Variants in ADCY8 observed in about 807,000 individuals in gnomAD.
ADCY8 encodes adenylate cyclase 8, also known as adenylate cyclase type 8.
Under a neutral mutation model 119.7 loss-of-function variants are expected in ADCY8, and 51 were observed. That is an observed-to-expected ratio of 0.43 (90% CI 0.34 to 0.54). The LOEUF is 0.54. Among genes scored for constraint, ADCY8 ranks in the 20% least tolerant of loss-of-function variants. ADCY8 has a pLI of 0.03. For synonymous variants in ADCY8, 665 were observed against 651.0 expected, an observed-to-expected ratio of 1.02 and a Z score of -0.33; for missense variants, 1,383 against 1,598.8, an observed-to-expected ratio of 0.87 and a Z score of 2.30.
Position 130,783,786 on chromosome 8 carries a change from C to T in ADCY8, c.3173G>A (p.Gly1058Glu). The change falls in exon 17 of 18, where the codon GGA becomes GAA. Residue 1058 changes from glycine (G) to glutamate (E), a missense_variant. Around this residue, in one of 2 missense-constraint regions of ADCY8, gnomAD observed 928 missense variants for 1,163.5 expected, o/e 0.80. Transcript: ENST00000286355. ...PEKQQCEDKWGHLCALADFSL... is the reference protein window; with the variant it reads ...PEKQQCEDKWEHLCALADFSL... Reference sequence around the variant, plus strand: ...GAAGTCAGCCAGAGCACACAAATGTCCCCACTTGTCTTCACATTGCTGAAG... The same window carrying T: ...GAAGTCAGCCAGAGCACACAAATGTTCCCACTTGTCTTCACATTGCTGAAG... The T allele has an allele frequency of 6.2e-7, 1 of 1,613,266 alleles. No individual in the cohort carries two copies. The highest frequency in any genetic ancestry group is 8.5e-7 in the Non-Finnish European group (1 of 1,179,536).
intron 9 of ADCY8, among the ~76,000 whole-genome samples, chr8:130,863,114 A>C (rs1012186686): frequency 5.3e-5 from 8 of 152,064 alleles, no homozygotes; most frequent in Non-Finnish European, 1.2e-4. Flanking sequence ...TTTCTTTTCA[A>C]TTCTATCTGT....
chr8:130,884,802 C>G (rs755377176), intron 7 of ADCY8, 41 bp from the exon 8 acceptor site: 1 of 1,575,720 alleles, frequency 6.3e-7, no homozygotes, highest in African/African-American at 1.3e-5. Context: ...ACCTGCTAGT[C>G]CCCTTTAGAT....
chr8:130,872,250 A>C (rs1159635600), intron 8 of ADCY8, among the ~76,000 whole-genome samples: 1 of 152,206 alleles, frequency 6.6e-6, no homozygotes, highest in Non-Finnish European at 1.5e-5. Context: ...CACGCTTTAC[A>C]TGAATGTTCT....
At chr8:130,913,655 C>T (rs1008255267) in intron 5 of ADCY8, among the ~76,000 whole-genome samples, 1 of 147,018 alleles carries the variant, frequency 6.8e-6, no homozygotes, top group Non-Finnish European at 1.5e-5. Flanking sequence ...CCTGCTATCA[C>T]ACCCCCCTCC....
In ADCY8 at chr8:130,937,134, G is replaced by T; in HGVS notation, c.1420C>A (p.Pro474Thr). Residue 474 changes from proline (P) to threonine (T), a missense_variant, in exon 5 of 18, where the codon CCC (proline) becomes ACC (threonine). Transcript: ENST00000286355. ...CAGCAGTGGGCATGGTCCTGGCGGG[G>T]CTCAGGAAGTCCAGACACGCAGTAG... Reference protein sequence around the residue: ...CYYCVSGLPEPRQDHAHCCVE... With the variant: ...CYYCVSGLPETRQDHAHCCVE... 3.7e-6 allele frequency: 6 copies of T among 1,613,824 alleles called. No homozygotes were observed. The highest frequency in any genetic ancestry group is 1.7e-4 in the Middle Eastern group (1 of 6,058).
intron 12 of ADCY8, among the ~76,000 whole-genome samples, chr8:130,830,975 A>G (rs897818222): frequency 7.9e-5 from 12 of 152,226 alleles, no homozygotes; most frequent in Non-Finnish European, 4.4e-5. Context: ...GTGATCAGTT[A>G]GAATACATAA....
chr8:130,788,052 T>C (rs1741253216), intron 15 of ADCY8, among the ~76,000 whole-genome samples: 1 of 152,248 alleles, frequency 6.6e-6, no homozygotes, highest in African/African-American at 2.4e-5. Flanking sequence ...ACCAAGAATT[T>C]CTAAGCTCCA....
Position 130,780,597 on chromosome 8 carries a change from T to G in ADCY8, c.3549A>C (p.Pro1183=), listed in dbSNP as rs1815045276. Residue 1183 remains proline, a synonymous_variant, in exon 18 of 18, where the codon CCA becomes CCC. Coordinates refer to ENST00000286355, the MANE Select transcript of ADCY8 (RefSeq NM_001115.3). The part of the protein sequence containing the change: ...RVQPNPFILP[P]RRLPGQYSLA... The stretch of plus-strand genomic sequence containing the variant: ...GGGAGTACTGCCCAGGCAGTCTTCT[T>G]GGGGGCAAGATGAATGGGTTGGGTT... The G allele has an allele frequency of 6.2e-7, 1 of 1,614,010 alleles. No homozygotes were observed. The highest frequency in any genetic ancestry group is 1.3e-5 in the African/African-American group (1 of 74,906).
intron 12 of ADCY8, among the ~76,000 whole-genome samples, chr8:130,833,053 T>C (rs1816886345): frequency 6.6e-6 from 1 of 152,364 alleles, no homozygotes; most frequent in African/African-American, 2.4e-5. Context: ...TTCATACATA[T>C]CTTTGCCCTC....
intron 2 of ADCY8, among the ~76,000 whole-genome samples, chr8:130,965,833 T>C (rs1274198249): frequency 6.6e-6 from 1 of 152,206 alleles, no homozygotes; most frequent in East Asian, 1.9e-4. Flanking sequence ...TCATTTTAGT[T>C]TGCTTTTTCA....
chr8:131,002,205 G>A (rs2089297502), intron 1 of ADCY8, among the ~76,000 whole-genome samples: 1 of 152,234 alleles, frequency 6.6e-6, no homozygotes, highest in African/African-American at 2.4e-5. Flanking sequence ...GAAATTAGCA[G>A]AAGACCTGTA....
chr8:130,984,998 T>A (rs1016697162), intron 2 of ADCY8, among the ~76,000 whole-genome samples: 2 of 151,394 alleles, frequency 1.3e-5, no homozygotes, highest in African/African-American at 4.9e-5. Context: ...AAAGAAGGGG[T>A]CAAGGAGAGG....
chr8:130,931,768 G>C (rs947734275), intron 5 of ADCY8, among the ~76,000 whole-genome samples: 3 of 151,648 alleles, frequency 2.0e-5, no homozygotes, highest in East Asian at 3.9e-4. Flanking sequence ...ATATTTTTTG[G>C]CTCCAGATTT....
chr8:130,842,572 T>A (rs1445005340), intron 11 of ADCY8, among the ~76,000 whole-genome samples: 1 of 152,180 alleles, frequency 6.6e-6, no homozygotes, highest in Non-Finnish European at 1.5e-5. Context: ...ATGAATACAG[T>A]TATAGCAATT....
At chr8:130,798,663 G>A (rs908087429) in intron 15 of ADCY8, among the ~76,000 whole-genome samples, 2 of 152,190 alleles carry the variant, frequency 1.3e-5, no homozygotes, top group African/African-American at 4.8e-5. Context: ...GATGCAGGCA[G>A]GGAGAGCAGA....
chr8:130,918,987 C>T (rs1400505772), intron 5 of ADCY8, among the ~76,000 whole-genome samples: 1 of 152,136 alleles, frequency 6.6e-6, no homozygotes. Context: ...CCCTTGAACC[C>T]GGGAGGTGAA....
intron 7 of ADCY8, among the ~76,000 whole-genome samples, chr8:130,885,493 T>C (rs981645504): frequency 6.6e-6 from 1 of 152,062 alleles, no homozygotes; most frequent in African/African-American, 2.4e-5. Context: ...TCACTGGATA[T>C]GGATACATGG....
chr8:131,012,523 A>G (rs13251036), intron 1 of ADCY8, among the ~76,000 whole-genome samples: 3,707 of 152,304 alleles, frequency 0.024, 48 homozygotes, highest in East Asian at 0.056. Flanking sequence ...TGGATCCTAG[A>G]GGTACAAGGG....
intron 15 of ADCY8, among the ~76,000 whole-genome samples, chr8:130,799,576 A>T (rs1175029234): frequency 6.6e-6 from 1 of 151,962 alleles, no homozygotes; most frequent in Admixed American, 6.6e-5. Context: ...GCATTACTGC[A>T]CCTCCTTTTG....
Sources: allele counts gnomAD v4.1 joint callset (sites outside exome capture counted in the v4.1 genomes callset), GRCh38; gene constraint gnomAD v4.1.1; regional missense constraint gnomAD v4.1.1; transcripts MANE v1.5; gene names NCBI Gene and HGNC (gene_info 2026-07-23, HGNC 2026-07-21).